OGFOD3: variants seen among roughly 807,000 people sequenced by gnomAD.
OGFOD3 encodes 2-oxoglutarate and iron dependent oxygenase domain containing 3.
OGFOD3 carries 35 observed loss-of-function variants against 39.8 expected under a neutral mutation model. The ratio of observed to expected loss-of-function variants is 0.88; its 90% CI spans 0.67 to 1.17. The LOEUF (loss-of-function observed/expected upper bound fraction) is 1.17. Ranked by LOEUF, OGFOD3 falls within the 50% of genes most tolerant of loss-of-function variation. The pLI, the probability that OGFOD3 is intolerant of heterozygous loss-of-function variation, is 0.00. For synonymous variants in OGFOD3, 200 were observed against 192.0 expected (o/e 1.04, Z -0.34); for missense variants, 438 against 454.5 (o/e 0.96, Z 0.33).
chr17:82,413,964 C>T (rs961883144), intron 2 of OGFOD3, among the ~76,000 whole-genome samples: 5 of 151,906 alleles, frequency 3.3e-5, no homozygotes, highest in Non-Finnish European at 7.4e-5. Flanking sequence ...ATAGAATTTA[C>T]CATTTTAGCC....
At position 82,404,012 on chromosome 17, in the gene OGFOD3, G is replaced by C; in HGVS notation, c.624C>G (p.Pro208=). ...ISASSLHLTK[P]TFFSRINSTE... ...TGCTGTTTATGCGGGAGAAGAAGGT[G>C]GGCTTGGTCAGATGCAGCGAGGATG... The change falls in exon 7 of 9, where the codon CCC becomes CCG. Residue 208 remains proline, a synonymous_variant. Transcript: ENST00000313056. This position sits in a 1 kb window ranked among gnomAD's most constrained non-coding sequence, Gnocchi z 4.5. 2 of 1,611,326 alleles carry C rather than the reference G, an allele frequency of 1.2e-6. No individual in the cohort carries two copies. The highest frequency in any genetic ancestry group is 1.7e-6 in the Non-Finnish European group (2 of 1,178,944).
intron 3 of OGFOD3, among the ~76,000 whole-genome samples, chr17:82,409,651 C>T (rs1011686470): frequency 1.3e-5 from 2 of 152,210 alleles, no homozygotes; most frequent in African/African-American, 4.8e-5. Context: ...GGCTTCAGCA[C>T]CTTGGGAGGC....
Position 82,414,277 on chromosome 17 carries a change from G to A in OGFOD3, c.304+1121C>T, listed in dbSNP as rs1481253836. On this transcript the variant is annotated intron_variant, in intron 2 of 8. Transcript: ENST00000313056. ...TTCCACCTCTGCCTCCTGAGCTGGG[G>A]TTACAGGCGTGCACCACCACACCTG... Among the ~76,000 whole-genome samples, 4 of 152,062 alleles carry A rather than the reference G, an allele frequency of 2.6e-5. No individual in the cohort carries two copies. In the East Asian group the frequency reaches 5.8e-4, roughly 22 times the overall value.
rs989887877 is a variant in OGFOD3 at position 82,398,174 on chromosome 17, A to T, written c.823+22T>A. The T allele has an allele frequency of 7.4e-6, 12 of 1,613,420 alleles. No individual in the cohort carries two copies. In the Admixed American group the frequency reaches 2.0e-4, roughly 27 times the overall value. On this transcript the variant is annotated intron_variant, in intron 8 of 8. Coordinates refer to ENST00000313056, the MANE Select transcript of OGFOD3 (RefSeq NM_024648.3). ...TGCCTGAGCCAGGAGCCCCACGCCC[A>T]GGCCCCGCCCGCGCCTCCTACCAGC...
At chr17:82,409,345 G>C in intron 4 of OGFOD3, 23 bp downstream of exon 4, 1 of 1,612,042 alleles carries the variant, frequency 6.2e-7, no homozygotes, top group Non-Finnish European at 8.5e-7. Context: ...AAAAAAGGGG[G>C]GCAGGGACTA....
chr17:82,392,462 T>C lies in OGFOD3; in HGVS notation c.896A>G (p.Tyr299Cys), dbSNP rs1403247699. The change falls in exon 9 of 9, where the codon TAC becomes TGC. Residue 299 changes from tyrosine to cysteine, a missense_variant. Transcript: ENST00000313056. This position sits in a 1 kb window ranked among gnomAD's most constrained non-coding sequence, Gnocchi z 4.2. ...RVEKVHWGTR[Y>C]AITIAFSCNP... ...GCAGCTGAAGGCGATGGTGATGGCG[T>C]AACGGGTGCCCCAGTGGACCTTCTC... is the stretch of plus-strand genomic sequence containing the variant. 1 of 1,612,086 alleles carries C rather than the reference T, an allele frequency of 6.2e-7. No homozygotes were observed. The highest frequency in any genetic ancestry group is 2.2e-5 in the East Asian group (1 of 44,844).
At chr17:82,417,568 G>A (rs2053083056) in intron 1 of OGFOD3, among the ~76,000 whole-genome samples, 1 of 147,122 alleles carries the variant, frequency 6.8e-6, no homozygotes, top group African/African-American at 2.5e-5. Context: ...GCAATGAGCC[G>A]AGATTGCGCC....
chr17:82,402,116 C>T (rs913741993), intron 7 of OGFOD3, among the ~76,000 whole-genome samples: 22 of 152,094 alleles, frequency 1.4e-4, no homozygotes, highest in Admixed American at 4.6e-4. Context: ...TTGTATTAGC[C>T]GTGCTTTACT....
intron 2 of OGFOD3, among the ~76,000 whole-genome samples, chr17:82,412,179 C>A (rs1212806414): frequency 6.6e-6 from 1 of 152,152 alleles, no homozygotes; most frequent in Non-Finnish European, 1.5e-5. Flanking sequence ...CAGGGCACAG[C>A]GAACTGCTCC....
intron 1 of OGFOD3, 62 bp downstream of exon 1, chr17:82,418,350 C>G: frequency 9.4e-7 from 1 of 1,061,398 alleles, no homozygotes; most frequent in Non-Finnish European, 1.3e-6. Flanking sequence ...CAGCCCCAGT[C>G]CCGCCCACTC....
At chr17:82,403,836 T>A in intron 7 of OGFOD3, 101 bp downstream of exon 7, 2 of 1,453,942 alleles carry the variant, frequency 1.4e-6, no homozygotes, top group Non-Finnish European at 1.9e-6. Flanking sequence ...GCTCACCTTG[T>A]CCACGAGCGC....
chr17:82,406,449 A>T lies in OGFOD3; in HGVS notation c.457T>A (p.Ser153Thr). The T allele has an allele frequency of 2.5e-6, 4 of 1,614,190 alleles. No individual in the cohort carries two copies. The highest frequency in any genetic ancestry group is 1.7e-6 in the Non-Finnish European group (2 of 1,180,026). The part of the protein sequence containing the change: ...SILDLHSGAL[S>T]VGKHFVNLYR... ...AGGTTCACAAAGTGCTTCCCGACAG[A>T]CAGGGCCCCTGAGTGCAAGTCCAGA... The change falls in exon 5 of 9, where the codon TCT becomes ACT. Residue 153 changes from serine (S) to threonine (T), a missense_variant. Coordinates refer to ENST00000313056, the MANE Select transcript of OGFOD3 (RefSeq NM_024648.3). The surrounding 1 kb of genome is among the most constrained non-coding windows in gnomAD (Gnocchi z 5.2).
Position 82,406,317 on chromosome 17 carries a change from C to G in OGFOD3, c.488+101G>C. The G allele has an allele frequency of 9.0e-7, 1 of 1,107,892 alleles. No individual in the cohort carries two copies. The highest frequency in any genetic ancestry group is 1.2e-5 in the South Asian group (1 of 80,098). The allele number at this position is 1,107,892 out of a possible 1,614,324, so 68.6% of individuals were successfully genotyped here. On this transcript the variant is annotated intron_variant, in intron 5 of 8. Transcript: ENST00000313056. This position sits in a 1 kb window ranked among gnomAD's most constrained non-coding sequence, Gnocchi z 5.2. ...CCCTGAGGCTGCACCGAGCCGGATC[C>G]TCCCTCACATGTCCACGTGTCCACA...
At chr17:82,413,877 C>CT (rs2052992050) in intron 2 of OGFOD3, among the ~76,000 whole-genome samples, 1 of 86,302 alleles carries the variant, frequency 1.2e-5, no homozygotes, top group African/African-American at 3.9e-5. Context: ...GACACTCTGT[C>CT]CAAAAAAAAA....
At position 82,411,973 on chromosome 17, in the gene OGFOD3, A is replaced by G. The variant is rs140623713; in HGVS notation, c.305-443T>C. 5.3e-4 allele frequency among the ~76,000 whole-genome samples: 80 copies of G among 151,406 alleles called. No individual in the cohort carries two copies. In the Middle Eastern group the frequency reaches 0.017, roughly 32 times the overall value. On this transcript the variant is annotated intron_variant, in intron 2 of 8. Transcript: ENST00000313056. ...AGGAAAACCCTCCTGAGGCCACCAG[A>G]GGGGGGAACCCTCCTGAGACCACCA...
In OGFOD3 at chr17:82,415,005, G is replaced by C. The variant is rs12451322; in HGVS notation, c.304+393C>G. Among the ~76,000 whole-genome samples, 54,390 of 152,034 alleles carry C rather than the reference G, an allele frequency of 0.36. 10,927 individuals are homozygous for C. Among genetic ancestry groups the C allele is most frequent in the East Asian group, 0.9 (4,651 of 5,164 alleles). On this transcript the variant is annotated intron_variant, in intron 2 of 8. Transcript: ENST00000313056. The surrounding 1 kb of genome is among the most constrained non-coding windows in gnomAD (Gnocchi z 5.3). The stretch of plus-strand genomic sequence containing the variant: ...CGCATCTCTCAGGCCCAGGCAGAAC[G>C]GGAGCGGGGGAGGGGAGCTGGGGCA...
intron 2 of OGFOD3, among the ~76,000 whole-genome samples, chr17:82,413,983 T>A (rs1239486621): frequency 6.6e-6 from 1 of 152,238 alleles, no homozygotes; most frequent in Admixed American, 6.5e-5. Context: ...CCAAGCTTTT[T>A]AAAAAGTGCG....
chr17:82,416,293 A>C (rs2053032961), intron 1 of OGFOD3, among the ~76,000 whole-genome samples: 1 of 152,224 alleles, frequency 6.6e-6, no homozygotes, highest in Non-Finnish European at 1.5e-5. Flanking sequence ...GATGTTTCAC[A>C]ACAAAATAAG....
At chr17:82,417,776 C>T (rs1007668201) in intron 1 of OGFOD3, among the ~76,000 whole-genome samples, 3 of 152,052 alleles carry the variant, frequency 2.0e-5, no homozygotes, top group African/African-American at 4.8e-5. Context: ...CCTGAGGTGT[C>T]CTCCTGATAT....
Sources: allele counts gnomAD v4.1 joint callset (sites outside exome capture counted in the v4.1 genomes callset), GRCh38; gene constraint gnomAD v4.1.1; non-coding constraint Gnocchi (gnomAD v3.1); transcripts MANE v1.5; gene names NCBI Gene and HGNC (gene_info 2026-07-23, HGNC 2026-07-21).